The following TAOK1 variants were observed in gnomAD, a reference collection of about 807,000 sequenced individuals.
TAOK1 encodes the protein TAO kinase 1.
In TAOK1, 21 loss-of-function variants were observed where a neutral mutation model predicts 138.3. The ratio of observed to expected loss-of-function variants is 0.15; its 90% CI spans 0.11 to 0.22. The LOEUF (loss-of-function observed/expected upper bound fraction) is 0.22, where lower values mean the gene tolerates loss of function less well. Ranked by LOEUF, TAOK1 falls within the 10% of genes least tolerant of loss-of-function variation. The pLI is 1.00. For synonymous variants in TAOK1, 361 were observed against 398.4 expected (o/e 0.91, Z 1.12); for missense variants, 651 against 1,227.7 (o/e 0.53, Z 7.02).
At chr17:29,525,015 T>G (rs2031985519) in intron 17 of TAOK1, among the ~76,000 whole-genome samples, 1 of 152,214 alleles carries the variant, frequency 6.6e-6, no homozygotes, top group African/African-American at 2.4e-5. Flanking sequence ...TTTACTCTTG[T>G]TAAAGAAAAA....
intron 3 of TAOK1, among the ~76,000 whole-genome samples, chr17:29,474,852 TTA>T (rs955208003): frequency 1.2e-3 from 174 of 150,056 alleles, no homozygotes; most frequent in African/African-American, 4.1e-3. Context: ...TCAATTTGTT[TTA>T]AAAAAAAAAA....
At chr17:29,397,817 A>T (rs567782302) in intron 1 of TAOK1, among the ~76,000 whole-genome samples, 1 of 150,624 alleles carries the variant, frequency 6.6e-6, no homozygotes, top group Non-Finnish European at 1.5e-5. Context: ...GTATATATGT[A>T]TATACATGTA....
At chr17:29,540,135 G>A (rs1206325487) in intron 19 of TAOK1, among the ~76,000 whole-genome samples, 1 of 152,162 alleles carries the variant, frequency 6.6e-6, no homozygotes, top group East Asian at 1.9e-4. Flanking sequence ...GGCCAGGATG[G>A]ACTGGAGTAA....
chr17:29,487,121 T>C (rs553311958), intron 8 of TAOK1, among the ~76,000 whole-genome samples: 16 of 151,974 alleles, frequency 1.1e-4, no homozygotes, highest in Non-Finnish European at 2.4e-4. Context: ...TGGTGGCCCA[T>C]GCCTGTAGTC....
chr17:29,532,107 G>A (rs1055950576), intron 18 of TAOK1, among the ~76,000 whole-genome samples: 6 of 152,096 alleles, frequency 3.9e-5, no homozygotes, highest in Non-Finnish European at 7.4e-5. Context: ...TGATCCGCCC[G>A]CCTCAGCCTC....
chr17:29,466,436 G>T (rs574551708), intron 2 of TAOK1, among the ~76,000 whole-genome samples: 1 of 152,084 alleles, frequency 6.6e-6, no homozygotes, highest in Non-Finnish European at 1.5e-5. Flanking sequence ...GAGCCACCAC[G>T]CCCAGCCTGT....
At chr17:29,541,103 T>TTTTG (rs113719528) in intron 19 of TAOK1, among the ~76,000 whole-genome samples, 150,891 of 152,032 alleles carry the variant, frequency 0.99, 74,917 homozygotes, top group Middle Eastern at 1. Flanking sequence ...AAAATTTTTG[T>TTTTG]TTTGTTTATT....
intron 13 of TAOK1, among the ~76,000 whole-genome samples, chr17:29,507,272 GT>G (rs934319435): frequency 1.7e-3 from 241 of 138,826 alleles, no homozygotes; most frequent in African/African-American, 5.0e-3. Context: ...TTTTTTTTTT[GT>G]TTTTTTTTTT....
intron 1 of TAOK1, among the ~76,000 whole-genome samples, chr17:29,422,728 A>G (rs953570024): frequency 3.9e-5 from 6 of 152,182 alleles, no homozygotes; most frequent in Non-Finnish European, 8.8e-5. Context: ...CTACAGAGTT[A>G]CCTAGCTAGC....
At chr17:29,436,328 A>G (rs1427031607) in intron 1 of TAOK1, among the ~76,000 whole-genome samples, 4 of 152,172 alleles carry the variant, frequency 2.6e-5, no homozygotes, top group African/African-American at 4.8e-5. Flanking sequence ...ACTCTGAAAA[A>G]CCAAACAAGG....
intron 10 of TAOK1, among the ~76,000 whole-genome samples, chr17:29,495,071 T>G (rs2031386806): frequency 6.6e-6 from 1 of 152,178 alleles, no homozygotes; most frequent in African/African-American, 2.4e-5. Context: ...AGTAATAATT[T>G]AATGGCTTTT....
chr17:29,392,588 A>G (rs1904468373), intron 1 of TAOK1, among the ~76,000 whole-genome samples: 1 of 152,246 alleles, frequency 6.6e-6, no homozygotes, highest in Non-Finnish European at 1.5e-5. Context: ...ACCAAAGAGT[A>G]GTTTTCAAGT....
intron 1 of TAOK1, among the ~76,000 whole-genome samples, chr17:29,432,831 C>G (rs1481650400): frequency 6.6e-6 from 1 of 151,670 alleles, no homozygotes; most frequent in African/African-American, 2.4e-5. Context: ...CAGATCATAG[C>G]TTACTGCAAC....
At chr17:29,397,620 A>C (rs1416038908) in intron 1 of TAOK1, among the ~76,000 whole-genome samples, 1 of 64,646 alleles carries the variant, frequency 1.5e-5, no homozygotes, top group Non-Finnish European at 2.6e-5. Context: ...AAAAATATAT[A>C]TATATATATA....
At chr17:29,395,439 G>A (rs1209252274) in intron 1 of TAOK1, among the ~76,000 whole-genome samples, 3 of 152,214 alleles carry the variant, frequency 2.0e-5, no homozygotes, top group Non-Finnish European at 4.4e-5. Context: ...GCTGAGGCAG[G>A]AGAATCACTT....
chr17:29,404,349 A>G (rs1323704653), intron 1 of TAOK1, among the ~76,000 whole-genome samples: 4 of 152,014 alleles, frequency 2.6e-5, no homozygotes, highest in Admixed American at 2.6e-4. Context: ...TTTTTAGTAG[A>G]GACGGCTTCA....
intron 9 of TAOK1, among the ~76,000 whole-genome samples, chr17:29,490,144 T>C (rs1302251421): frequency 6.6e-6 from 1 of 152,080 alleles, no homozygotes; most frequent in African/African-American, 2.4e-5. Context: ...GGAGGGATGG[T>C]TTATAATTTA....
chr17:29,430,387 C>G (rs1338425760), intron 1 of TAOK1, among the ~76,000 whole-genome samples: 1 of 152,166 alleles, frequency 6.6e-6, no homozygotes, highest in Non-Finnish European at 1.5e-5. Context: ...CCACCAGAGG[C>G]TGATGTGAAG....
rs543865036 is a variant in TAOK1 at position 29,548,346 on chromosome 17, A to G, written c.*5324A>G. The G allele has an allele frequency of 6.6e-6, 1 of 152,260 alleles. No individual in the cohort carries two copies. The highest frequency in any genetic ancestry group is 3.4e-3 in the Middle Eastern group (1 of 294). The allele number at this position is 152,260 out of a possible 1,614,324, so 9.4% of individuals were successfully genotyped here. On this transcript the variant is annotated 3_prime_UTR_variant, in exon 20 of 20. Transcript: ENST00000261716. The stretch of plus-strand genomic sequence containing the variant: ...AATTAAAACTGGGGAGCCATTTACT[A>G]TGTCACCATCACTGTTAACTGTTTC...
Sources: gnomAD v4.1 joint callset for allele counts (sites outside exome capture counted in the v4.1 genomes callset) on GRCh38, gnomAD v4.1.1 for gene constraint, MANE v1.5 for transcripts, NCBI Gene and HGNC (gene_info 2026-07-23, HGNC 2026-07-21) for gene names.